EIF4EBP2: variants seen among roughly 807,000 people sequenced by gnomAD.
EIF4EBP2 encodes eukaryotic translation initiation factor 4E binding protein 2.
In EIF4EBP2, 5 loss-of-function variants were observed where a neutral mutation model predicts 10.3. That is an observed-to-expected ratio of 0.48 (90% CI 0.25 to 1.02). The LOEUF is 1.02. Ranked by LOEUF, EIF4EBP2 falls within the 50% of genes least tolerant of loss-of-function variation. EIF4EBP2 has a pLI of 0.15. For missense variants in EIF4EBP2, 188 were observed against 162.2 expected, an observed-to-expected ratio of 1.16 and a Z score of -0.86; for synonymous variants, 67 against 61.1, an observed-to-expected ratio of 1.10 and a Z score of -0.45.
intron 1 of EIF4EBP2, among the ~76,000 whole-genome samples, chr10:70,413,986 A>G (rs1481918966): frequency 6.6e-6 from 1 of 152,194 alleles, no homozygotes; most frequent in African/African-American, 2.4e-5. Flanking sequence ...AATTGAGCTG[A>G]CATAGCGTTG....
chr10:70,413,681 T>C (rs1347089101), intron 1 of EIF4EBP2, among the ~76,000 whole-genome samples: 1 of 152,110 alleles, frequency 6.6e-6, no homozygotes, highest in Non-Finnish European at 1.5e-5. Context: ...TGTTAATTCT[T>C]CTATGCTTTT....
intron 1 of EIF4EBP2, among the ~76,000 whole-genome samples, chr10:70,407,506 GTCCACC>G (rs1175172161): frequency 6.6e-6 from 1 of 152,028 alleles, no homozygotes; most frequent in African/African-American, 2.4e-5. Flanking sequence ...AGTCTCCCAT[GTCCACC>G]TCTTTCTACA....
chr10:70,408,996 T>C (rs1845013372), intron 1 of EIF4EBP2, among the ~76,000 whole-genome samples: 1 of 152,220 alleles, frequency 6.6e-6, no homozygotes. Context: ...CATTCCAGCA[T>C]AACAACAGTT....
intron 2 of EIF4EBP2, among the ~76,000 whole-genome samples, chr10:70,420,961 AT>A (rs1324994851): frequency 6.6e-6 from 1 of 151,758 alleles, no homozygotes; most frequent in African/African-American, 2.4e-5. Context: ...CGCCCGGCTA[AT>A]TTTTTGTATT....
At chr10:70,409,062 A>G (rs1027651411) in intron 1 of EIF4EBP2, among the ~76,000 whole-genome samples, 2 of 152,194 alleles carry the variant, frequency 1.3e-5, no homozygotes, top group African/African-American at 4.8e-5. Flanking sequence ...CAGCATAGCA[A>G]ACTTAGAGTT....
In EIF4EBP2 at chr10:70,425,644, G is replaced by GCT. The variant is rs1201238109; in HGVS notation, c.*3899_*3900dup. On this transcript the variant is annotated 3_prime_UTR_variant, in exon 3 of 3. Transcript: ENST00000373218. ...AAAATAATATGCCTGACTACCAACA[G>GCT]CTCAAGTATGCTTATTTGCACATCC... 1 of 152,158 alleles carries GCT rather than the reference G, an allele frequency of 6.6e-6. No individual in the cohort carries two copies. Among genetic ancestry groups the GCT allele is most frequent in the African/African-American group, 2.4e-5 (1 of 41,422 alleles). The allele number at this position is 152,158 out of a possible 1,614,324, so 9.4% of individuals were successfully genotyped here.
At chr10:70,415,278 T>C (rs1474454178) in intron 1 of EIF4EBP2, among the ~76,000 whole-genome samples, 1 of 151,792 alleles carries the variant, frequency 6.6e-6, no homozygotes, top group African/African-American at 2.4e-5. Flanking sequence ...CTACAAAACA[T>C]TGTTGAAAGA....
In EIF4EBP2 at chr10:70,427,634, G is replaced by T. The variant is rs2132208518; in HGVS notation, c.*5887G>T. The T allele has an allele frequency of 6.6e-6, 1 of 152,322 alleles. No individual in the cohort carries two copies. Among genetic ancestry groups the T allele is most frequent in the Non-Finnish European group, 1.5e-5 (1 of 68,038 alleles). The allele number at this position is 152,322 out of a possible 1,614,324, so 9.4% of individuals were successfully genotyped here. A position where few individuals can be genotyped will look rare whatever the true frequency, so the allele number is the denominator to read the frequency against. ...AGGAGAAGGCTTGAGTCCCTGTTCA[G>T]CGGGTCTGTGGATTCTCTTTGCTTA... On this transcript the variant is annotated 3_prime_UTR_variant, in exon 3 of 3. Transcript: ENST00000373218.
chr10:70,409,004 G>A (rs890032269), intron 1 of EIF4EBP2, among the ~76,000 whole-genome samples: 1 of 152,214 alleles, frequency 6.6e-6, no homozygotes, highest in African/African-American at 2.4e-5. Flanking sequence ...CATAACAACA[G>A]TTGATGGACC....
chr10:70,425,102 C>T lies in EIF4EBP2; in HGVS notation c.*3355C>T, dbSNP rs1046811680. 1.3e-5 allele frequency: 2 copies of T among 152,332 alleles called. No individual in the cohort carries two copies. Among genetic ancestry groups the T allele is most frequent in the African/African-American group, 4.8e-5 (2 of 41,466 alleles). 9.4% of individuals were successfully genotyped at this position (152,332 alleles called of 1,614,324 possible). A position where few individuals can be genotyped will look rare whatever the true frequency, so the allele number is the denominator to read the frequency against. On this transcript the variant is annotated 3_prime_UTR_variant, in exon 3 of 3. Transcript: ENST00000373218. Reference sequence around the variant, plus strand: ...CAGTCAGCTGGAGCTGGAGAAACCACTTCCAAGTTCTCTCTTTGTGGCCGT... The same window carrying T: ...CAGTCAGCTGGAGCTGGAGAAACCATTTCCAAGTTCTCTCTTTGTGGCCGT...
In EIF4EBP2 at chr10:70,419,998, A is replaced by G. The variant is rs569613473; in HGVS notation, c.230A>G (p.Asn77Ser). The G allele has an allele frequency of 5.0e-6, 8 of 1,613,386 alleles. No individual in the cohort carries two copies. The highest frequency in any genetic ancestry group is 1.3e-5 in the African/African-American group (1 of 74,952). Residue 77 changes from asparagine (N) to serine (S), a missense_variant, in exon 2 of 3, where the codon AAT becomes AGT. Transcript: ENST00000373218. ...CAGACCCCACCCTGCCACCTGCCCAATATCCCAGGAGTCACTAGCCCTGGC... is the reference window on the plus strand; with the variant it reads ...CAGACCCCACCCTGCCACCTGCCCAGTATCCCAGGAGTCACTAGCCCTGGC... ...MAQTPPCHLPNIPGVTSPGTL... is the reference protein window; with the variant it reads ...MAQTPPCHLPSIPGVTSPGTL...
intron 1 of EIF4EBP2, among the ~76,000 whole-genome samples, chr10:70,419,210 G>T (rs1845129437): frequency 6.6e-6 from 1 of 152,238 alleles, no homozygotes; most frequent in Non-Finnish European, 1.5e-5. Context: ...TAGTGATGTC[G>T]AGCACCTTTT....
At position 70,409,709 on chromosome 10, in the gene EIF4EBP2, C is replaced by T. The variant is rs188026917; in HGVS notation, c.145+5163C>T. On this transcript the variant is annotated intron_variant, in intron 1 of 2. Coordinates refer to ENST00000373218, the MANE Select transcript of EIF4EBP2 (RefSeq NM_004096.5). ...TTTCCTTTCTAGGTGCTGAACTGCC[C>T]CCTTTTAGAAGAGTTGTTTTGCTCT... is the stretch of plus-strand genomic sequence containing the variant. Among the ~76,000 whole-genome samples the T allele has an allele frequency of 1.7e-4, 26 of 152,280 alleles. No homozygotes were observed. The East Asian group carries it at 4.8e-3, about 28-fold the overall frequency.
intron 1 of EIF4EBP2, among the ~76,000 whole-genome samples, chr10:70,418,518 T>G (rs1010684442): frequency 6.6e-6 from 1 of 152,314 alleles, no homozygotes; most frequent in Admixed American, 6.5e-5. Flanking sequence ...TTGATAGGGC[T>G]TAGAGACTTC....
In EIF4EBP2 at chr10:70,411,394, T is replaced by A. The variant is rs138186048; in HGVS notation, c.145+6848T>A. On this transcript the variant is annotated intron_variant, in intron 1 of 2. Transcript: ENST00000373218. ...TTTTCTTGCCATTTTGCTTTTTTTTTTTATTATTATTACATTTTTTTAATA... is the reference window on the plus strand; with the variant it reads ...TTTTCTTGCCATTTTGCTTTTTTTTATTATTATTATTACATTTTTTTAATA... Among the ~76,000 whole-genome samples the A allele has an allele frequency of 3.5e-3, 529 of 152,210 alleles. 1 individual carries two copies. Among genetic ancestry groups the A allele is most frequent in the African/African-American group, 7.6e-3 (315 of 41,536 alleles).
intron 1 of EIF4EBP2, among the ~76,000 whole-genome samples, chr10:70,411,697 C>T (rs1845048541): frequency 6.6e-6 from 1 of 152,114 alleles, no homozygotes; most frequent in Non-Finnish European, 1.5e-5. Flanking sequence ...TCAGATGACC[C>T]TCTTGCCTCA....
In EIF4EBP2 at chr10:70,428,499, AGTT is replaced by A. The variant is rs1254860508; in HGVS notation, c.*6756_*6758del. On this transcript the variant is annotated 3_prime_UTR_variant, in exon 3 of 3. Transcript: ENST00000373218. ...GGCAGTCCTGTGTGATTCCATGATC[AGTT>A]GTTTTTGTATTTTAACTATTCTTCC... 6.6e-6 allele frequency: 1 copy of A among 152,178 alleles called. No individual in the cohort carries two copies. Among genetic ancestry groups the A allele is most frequent in the Non-Finnish European group, 1.5e-5 (1 of 68,032 alleles). The allele number at this position is 152,178 out of a possible 1,614,324, so 9.4% of individuals were successfully genotyped here.
Position 70,404,349 on chromosome 10 carries a change from CCCGCCG to C in EIF4EBP2, c.-44_-39del. On this transcript the variant is annotated 5_prime_UTR_variant, in exon 1 of 3. Coordinates refer to ENST00000373218, the MANE Select transcript of EIF4EBP2 (RefSeq NM_004096.5). ...CCTGAGGAGCCGAAGCAGCCCCGGC[CCCGCCG>C]CCGCCGCCTGCCCGCCGGACAAAGC... 6.7e-7 allele frequency: 1 copy of C among 1,481,770 alleles called. No individual in the cohort carries two copies. The highest frequency in any genetic ancestry group is 1.5e-5 in the African/African-American group (1 of 67,782). The allele number at this position is 1,481,770 out of a possible 1,614,324, so 91.8% of individuals were successfully genotyped here.
chr10:70,406,743 C>T (rs1844967949), intron 1 of EIF4EBP2, among the ~76,000 whole-genome samples: 1 of 151,688 alleles, frequency 6.6e-6, no homozygotes, highest in Non-Finnish European at 1.5e-5. Context: ...AACACTCAAT[C>T]ACTGTTTTCT....
Sources: allele counts gnomAD v4.1 joint callset (sites outside exome capture counted in the v4.1 genomes callset), GRCh38; gene constraint gnomAD v4.1.1; transcripts MANE v1.5; gene names NCBI Gene and HGNC (gene_info 2026-07-23, HGNC 2026-07-21).